RASSF5: variants seen among roughly 807,000 people sequenced by gnomAD.
RASSF5 encodes ras association domain-containing protein 5.
RASSF5 carries 25 observed loss-of-function variants against 40.5 expected under a neutral mutation model. That is an observed-to-expected ratio of 0.62 (90% CI 0.45 to 0.86). The LOEUF (loss-of-function observed/expected upper bound fraction) is 0.86. Ranked by LOEUF, RASSF5 falls within the 40% of genes least tolerant of loss-of-function variation. The pLI is 0.00. For synonymous variants in RASSF5, 246 were observed against 252.4 expected (o/e 0.97, Z 0.24); for missense variants, 521 against 572.8 (o/e 0.91, Z 0.92).
intron 2 of RASSF5, among the ~76,000 whole-genome samples, chr1:206,576,748 C>G (rs1299301812): frequency 6.6e-6 from 1 of 152,172 alleles, no homozygotes; most frequent in Non-Finnish European, 1.5e-5. Context: ...GCAGGAGACT[C>G]TGCACAAACA....
chr1:206,561,643 A>G (rs1396118888), intron 2 of RASSF5, among the ~76,000 whole-genome samples: 1 of 150,650 alleles, frequency 6.6e-6, no homozygotes, highest in Non-Finnish European at 1.5e-5. Flanking sequence ...CTATATCTAC[A>G]GTTAAATATT....
In RASSF5 at chr1:206,584,655, T is replaced by A; in HGVS notation, c.959T>A (p.Leu320His). 6.2e-7 allele frequency: 1 copy of A among 1,614,210 alleles called. No individual in the cohort carries two copies. The highest frequency in any genetic ancestry group is 8.5e-7 in the Non-Finnish European group (1 of 1,180,046). ...MVVDNPQKFA[L>H]FKRIHKDGQV... ...GTGGACAATCCCCAGAAGTTTGCAC[T>A]TTTTAAGCGGATACACAAGGACGGA... The change falls in exon 4 of 6, where the codon CTT (leucine) becomes CAT (histidine). Residue 320 changes from leucine (L) to histidine (H), a missense_variant. Physicochemically the swap from Leu to His is moderately conservative, Grantham distance 99 (BLOSUM62 -3). Transcript: ENST00000579436. The surrounding 1 kb of genome is among the most constrained non-coding windows in gnomAD (Gnocchi z 4.9).
At chr1:206,583,716 G>C (rs1033958114) in intron 3 of RASSF5, 21 of 296,412 alleles carry the variant, frequency 7.1e-5, no homozygotes, top group African/African-American at 3.5e-4. Flanking sequence ...AGGACAATGG[G>C]ACTTAGTTGC....
rs1666511312 is a variant in RASSF5, at chr1:206,508,051, G to GCTGCA, written c.452_456dup (p.Asn153AlafsTer15). 1 of 1,401,612 alleles carries GCTGCA rather than the reference G, an allele frequency of 7.1e-7. No individual in the cohort carries two copies. 86.8% of individuals were successfully genotyped at this position (1,401,612 alleles called of 1,614,324 possible). A position where few individuals can be genotyped will look rare whatever the true frequency, so the allele number is the denominator to read the frequency against. On this transcript the variant is annotated frameshift_variant, in exon 1 of 6. Coordinates refer to ENST00000579436, the MANE Select transcript of RASSF5 (RefSeq NM_182663.4). LOFTEE classifies it high-confidence loss of function. ...CGAGAGGTGCTGCGGCAGGCGCTGC[G>GCTGCA]CTGCACTAGTAAGTGTGAAGGCAGG...
At chr1:206,526,574 C>A (rs910438141) in intron 1 of RASSF5, among the ~76,000 whole-genome samples, 2 of 152,116 alleles carry the variant, frequency 1.3e-5, no homozygotes, top group Non-Finnish European at 1.5e-5. Flanking sequence ...ACTTATAGAT[C>A]ATGTTGATTT....
chr1:206,566,363 G>GT (rs1668289691), intron 2 of RASSF5, among the ~76,000 whole-genome samples: 1 of 152,122 alleles, frequency 6.6e-6, no homozygotes, highest in Non-Finnish European at 1.5e-5. Flanking sequence ...AATTCAGGCC[G>GT]TTTTTTCCTG....
At chr1:206,542,843 C>T (rs782067489) in intron 2 of RASSF5, 6 of 152,204 alleles carry the variant, frequency 3.9e-5, no homozygotes, top group Non-Finnish European at 7.3e-5. Context: ...TCTCAGCACA[C>T]ATTAAATGAA....
intron 1 of RASSF5, among the ~76,000 whole-genome samples, chr1:206,526,074 C>T (rs1195254022): frequency 6.6e-6 from 1 of 152,176 alleles, no homozygotes; most frequent in Non-Finnish European, 1.5e-5. Context: ...GGGAACTCAG[C>T]ATCTGAACCA....
intron 2 of RASSF5, 132 bp from the exon 3 acceptor site, chr1:206,583,137 G>A (rs1553406706): frequency 1.1e-5 from 7 of 643,394 alleles, no homozygotes; most frequent in East Asian, 8.4e-5. Context: ...CTCCGAGTCC[G>A]TGCAGTTAGT....
At chr1:206,582,947 G>A (rs1668950863) in intron 2 of RASSF5, among the ~76,000 whole-genome samples, 1 of 152,164 alleles carries the variant, frequency 6.6e-6, no homozygotes. Context: ...TCATTCACCA[G>A]ATTCATAGTC....
intron 1 of RASSF5, among the ~76,000 whole-genome samples, chr1:206,524,208 T>C (rs944398593): frequency 2.2e-5 from 3 of 136,648 alleles, no homozygotes; most frequent in Non-Finnish European, 4.6e-5. Flanking sequence ...ATATGTAATA[T>C]ACTTTATATA....
intron 1 of RASSF5, among the ~76,000 whole-genome samples, chr1:206,514,904 A>G (rs1553395196): frequency 2.0e-5 from 3 of 152,238 alleles, no homozygotes; most frequent in African/African-American, 7.2e-5. Flanking sequence ...GCACTTGGCT[A>G]TCACTAAGGC....
At chr1:206,538,117 A>G in intron 1 of RASSF5, 55 bp from the exon 2 acceptor site, 1 of 1,610,764 alleles carries the variant, frequency 6.2e-7, no homozygotes, top group East Asian at 2.2e-5. Context: ...CTCTGGGTGA[A>G]AGTGGGGAGG....
intron 2 of RASSF5, among the ~76,000 whole-genome samples, chr1:206,554,323 T>A (rs1206794298): frequency 6.6e-6 from 1 of 152,218 alleles, no homozygotes; most frequent in Non-Finnish European, 1.5e-5. Context: ...CAGTCCTGTA[T>A]CACAGCTTTT....
At chr1:206,518,038 C>T (rs1228295219) in intron 1 of RASSF5, among the ~76,000 whole-genome samples, 1 of 152,198 alleles carries the variant, frequency 6.6e-6, no homozygotes, top group Admixed American at 6.5e-5. Flanking sequence ...GGTAACCGAT[C>T]ACTTCTGTCG....
intron 2 of RASSF5, among the ~76,000 whole-genome samples, chr1:206,573,939 C>T (rs1553404674): frequency 3.3e-5 from 5 of 152,264 alleles, no homozygotes; most frequent in Non-Finnish European, 7.3e-5. Flanking sequence ...ACCTGTGGCC[C>T]AGCGTGCAAG....
At chr1:206,553,387 G>C (rs1454789612) in intron 2 of RASSF5, among the ~76,000 whole-genome samples, 1 of 152,114 alleles carries the variant, frequency 6.6e-6, no homozygotes, top group Non-Finnish European at 1.5e-5. Context: ...AAGGTAGGGG[G>C]TTTGGAGGAG....
At chr1:206,569,045 A>G (rs1397048314) in intron 2 of RASSF5, among the ~76,000 whole-genome samples, 2 of 152,252 alleles carry the variant, frequency 1.3e-5, no homozygotes, top group African/African-American at 4.8e-5. Context: ...CATCTGGAGA[A>G]GGCTGGGAAG....
intron 2 of RASSF5, among the ~76,000 whole-genome samples, chr1:206,553,083 T>TC (rs1213436043): frequency 4.6e-5 from 7 of 152,154 alleles, no homozygotes; most frequent in African/African-American, 1.4e-4. Flanking sequence ...GCGCCTGTAG[T>TC]CCCAGCTACT....
Sources: allele counts gnomAD v4.1 joint callset (sites outside exome capture counted in the v4.1 genomes callset), GRCh38; gene constraint gnomAD v4.1.1; non-coding constraint Gnocchi (gnomAD v3.1); transcripts MANE v1.5; gene names NCBI Gene and HGNC (gene_info 2026-07-23, HGNC 2026-07-21).